ARHGAP26: variants seen among roughly 807,000 people sequenced by gnomAD.
ARHGAP26 encodes Rho GTPase activating protein 26.
A neutral mutation model predicts 104.8 loss-of-function variants in ARHGAP26; 38 were observed. The observed-to-expected ratio is 0.36, with a 90% confidence interval of 0.28 to 0.48. The LOEUF (loss-of-function observed/expected upper bound fraction) is 0.48. ARHGAP26 is among the 20% of genes least tolerant of loss of function. ARHGAP26 has a pLI of 0.99. For missense variants in ARHGAP26, 704 were observed against 947.9 expected (o/e 0.74, Z 3.38); for synonymous variants, 341 against 340.0 (o/e 1.00, Z -0.03).
rs10571955 is a variant in ARHGAP26 at position 143,158,874 on chromosome 5, C to CACAA, written c.1988+11511_1988+11514dup. Among the ~76,000 whole-genome samples the CACAA allele has an allele frequency of 5.3e-5, 8 of 151,994 alleles. No homozygotes were observed. The South Asian group carries it at 8.3e-4, about 16-fold the overall frequency. On this transcript the variant is annotated intron_variant, in intron 20 of 22. Coordinates refer to ENST00000645722, the MANE Select transcript of ARHGAP26 (RefSeq NM_001135608.3). ...CAGGGAAAACCAAGATGTTATTGTC[C>CACAA]ACAAACAAACAAACAAACAAAGGCA...
chr5:142,976,066 A>G (rs1355010023), intron 11 of ARHGAP26, among the ~76,000 whole-genome samples: 1 of 152,222 alleles, frequency 6.6e-6, no homozygotes, highest in African/African-American at 2.4e-5. Context: ...GCTTTTCACG[A>G]GAAATTCTCA....
At chr5:143,162,146 C>T (rs887201969) in intron 20 of ARHGAP26, among the ~76,000 whole-genome samples, 18 of 151,928 alleles carry the variant, frequency 1.2e-4, no homozygotes, top group African/African-American at 3.4e-4. Flanking sequence ...TGCTCTGTCT[C>T]GGGGGAAGCC....
chr5:142,982,044 G>A (rs1270910092), intron 11 of ARHGAP26, among the ~76,000 whole-genome samples: 1 of 152,234 alleles, frequency 6.6e-6, no homozygotes, highest in African/African-American at 2.4e-5. Flanking sequence ...CTGCATGTAA[G>A]CTAGACTGAT....
intron 12 of ARHGAP26, 147 bp downstream of exon 12, chr5:143,014,263 C>A: frequency 1.2e-6 from 1 of 822,438 alleles, no homozygotes; most frequent in Admixed American, 2.1e-5. Flanking sequence ...TGCCTCCACC[C>A]CAACTTTCCG....
intron 9 of ARHGAP26, chr5:142,908,696 C>G (rs1168504282): frequency 3.0e-5 from 5 of 164,424 alleles, no homozygotes; most frequent in African/African-American, 7.2e-5. Context: ...GACCCTGCCT[C>G]TCCATGGGAG....
At chr5:142,878,398 A>G (rs1238914162) in intron 3 of ARHGAP26, among the ~76,000 whole-genome samples, 2 of 152,214 alleles carry the variant, frequency 1.3e-5, no homozygotes, top group African/African-American at 2.4e-5. Flanking sequence ...TTGGCAGCCA[A>G]TCAAGAATTA....
intron 22 of ARHGAP26, among the ~76,000 whole-genome samples, chr5:143,217,486 C>T (rs1810513285): frequency 6.6e-6 from 1 of 152,164 alleles, no homozygotes; most frequent in Admixed American, 6.5e-5. Flanking sequence ...ATTCGTGATA[C>T]CTGGAAAATG....
intron 17 of ARHGAP26, among the ~76,000 whole-genome samples, chr5:143,074,678 G>T (rs1788739516): frequency 6.6e-6 from 1 of 152,170 alleles, no homozygotes; most frequent in Non-Finnish European, 1.5e-5. Flanking sequence ...AGAACCACAT[G>T]GCCTGTAAAA....
At chr5:142,859,780 C>G (rs547891465) in intron 1 of ARHGAP26, 1 of 152,300 alleles carries the variant, frequency 6.6e-6, no homozygotes, top group Non-Finnish European at 1.5e-5. Context: ...CAGTCTGTCT[C>G]TGTCCTAGGT....
intron 11 of ARHGAP26, among the ~76,000 whole-genome samples, chr5:142,955,126 C>CACACACACA (rs561605232): frequency 0.12 from 18,362 of 148,584 alleles, 1,264 homozygotes; most frequent in East Asian, 0.28. Flanking sequence ...ACACACACAC[C>CACACACACA]CCCCATCTCT....
intron 14 of ARHGAP26, 129 bp downstream of exon 14, chr5:143,042,019 G>A (rs1783544367): frequency 2.7e-6 from 2 of 740,192 alleles, no homozygotes; most frequent in Non-Finnish European, 4.7e-6. Context: ...TCACCTAGAA[G>A]TCATCTGCCC....
intron 5 of ARHGAP26, among the ~76,000 whole-genome samples, chr5:142,892,964 C>T (rs1184390288): frequency 6.9e-6 from 1 of 144,150 alleles, no homozygotes; most frequent in Non-Finnish European, 1.5e-5. Context: ...TCTCTTCATC[C>T]TTCCCACCCC....
At chr5:142,840,725 G>A (rs1770616830) in intron 1 of ARHGAP26, among the ~76,000 whole-genome samples, 1 of 152,128 alleles carries the variant, frequency 6.6e-6, no homozygotes, top group Non-Finnish European at 1.5e-5. Flanking sequence ...GTCCTGGTGT[G>A]TGTACTCCAC....
At chr5:142,967,934 A>G (rs1054078888) in intron 11 of ARHGAP26, among the ~76,000 whole-genome samples, 1 of 152,174 alleles carries the variant, frequency 6.6e-6, no homozygotes, top group East Asian at 1.9e-4. Flanking sequence ...GGTCCTTGCT[A>G]CTATTAAAGG....
intron 1 of ARHGAP26, among the ~76,000 whole-genome samples, chr5:142,773,608 T>G (rs1755693793): frequency 6.6e-6 from 1 of 152,220 alleles, no homozygotes; most frequent in Non-Finnish European, 1.5e-5. Context: ...TTTTTTAGAC[T>G]CCGAGCCCTG....
At chr5:143,120,034 C>T (rs1292628399) in intron 17 of ARHGAP26, among the ~76,000 whole-genome samples, 1 of 152,156 alleles carries the variant, frequency 6.6e-6, no homozygotes, top group Non-Finnish European at 1.5e-5. Context: ...CCCAATTTGT[C>T]TCTAGTTTCA....
chr5:143,195,448 A>G (rs1395679627), intron 20 of ARHGAP26, among the ~76,000 whole-genome samples: 2 of 152,198 alleles, frequency 1.3e-5, no homozygotes, highest in Non-Finnish European at 2.9e-5. Flanking sequence ...ATATTCCCTG[A>G]AAGTAGACCA....
chr5:142,815,121 C>T (rs1422272472), intron 1 of ARHGAP26, among the ~76,000 whole-genome samples: 1 of 152,234 alleles, frequency 6.6e-6, no homozygotes, highest in African/African-American at 2.4e-5. Flanking sequence ...CTGCCTCAGC[C>T]TCCCAAGTAG....
intron 10 of ARHGAP26, chr5:142,919,387 T>G (rs1271662020): frequency 1.3e-5 from 5 of 398,484 alleles, no homozygotes; most frequent in Admixed American, 4.4e-5. Context: ...GGAGGAACCC[T>G]TGATCTTGAA....
Sources: allele counts gnomAD v4.1 joint callset (sites outside exome capture counted in the v4.1 genomes callset), GRCh38; gene constraint gnomAD v4.1.1; transcripts MANE v1.5; gene names NCBI Gene and HGNC (gene_info 2026-07-23, HGNC 2026-07-21).